Variants in ILDR1 observed in about 807,000 individuals in gnomAD.
ILDR1 encodes immunoglobulin-like domain-containing receptor 1.
A neutral mutation model predicts 62.4 loss-of-function variants in ILDR1; 56 were observed. That is an observed-to-expected ratio of 0.90 (90% CI 0.72 to 1.12). The LOEUF is 1.12. ILDR1 is among the 50% of genes most tolerant of loss of function. The pLI is 0.00. For missense variants in ILDR1, 736 were observed against 710.6 expected (o/e 1.04, Z -0.41); for synonymous variants, 284 against 277.8 (o/e 1.02, Z -0.22).
intron 7 of ILDR1, among the ~76,000 whole-genome samples, chr3:121,992,399 A>G (rs2071361904): frequency 6.6e-6 from 1 of 152,164 alleles, no homozygotes; most frequent in Non-Finnish European, 1.5e-5. Flanking sequence ...CGGCCTCCCA[A>G]AGTGCTGGGA....
intron 1 of ILDR1, 23 bp downstream of exon 1, chr3:122,021,997 G>A: frequency 6.2e-7 from 1 of 1,603,864 alleles, no homozygotes; most frequent in African/African-American, 1.3e-5. Context: ...GTCCAGGGTG[G>A]GTACCATTTT....
In ILDR1 at chr3:122,005,276, T is replaced by C. The variant is rs1221299381; in HGVS notation, c.347A>G (p.Asp116Gly). The C allele has an allele frequency of 6.6e-7, 1 of 1,509,240 alleles. No individual in the cohort carries two copies. Among genetic ancestry groups the C allele is most frequent in the African/African-American group, 1.4e-5 (1 of 69,850 alleles). 93.5% of individuals were successfully genotyped at this position (1,509,240 alleles called of 1,614,324 possible). A position where few individuals can be genotyped will look rare whatever the true frequency, so the allele number is the denominator to read the frequency against. Residue 116 changes from aspartate to glycine, a missense_variant, in exon 3 of 8, where the codon GAT becomes GGT. Asp to Gly is a moderately conservative substitution (Grantham distance 94). Coordinates refer to ENST00000344209, the MANE Select transcript of ILDR1 (RefSeq NM_001199799.2). ...GATGGTGATCTTGCGCTGCCGGTAA[T>C]CTACCCCCAGCACGGGCTCATTCTG... Reference protein sequence around the residue: ...RGQNEPVLGVDYRQRKITIQN... With the variant: ...RGQNEPVLGVGYRQRKITIQN...
At chr3:122,011,667 T>A in intron 1 of ILDR1, among the ~76,000 whole-genome samples, 1 of 40,196 alleles carries the variant, frequency 2.5e-5, no homozygotes, top group African/African-American at 1.2e-4. Flanking sequence ...TCTCTCTCTC[T>A]CTCTCTCTTT....
At chr3:121,989,578 C>A (rs1031645517) in intron 7 of ILDR1, among the ~76,000 whole-genome samples, 4 of 152,188 alleles carry the variant, frequency 2.6e-5, no homozygotes. Flanking sequence ...AAAGATAATT[C>A]ATTGGAAGGA....
chr3:122,031,534 T>C, the ILDR1 span, among the ~76,000 whole-genome samples: 1 of 152,156 alleles, frequency 6.6e-6, no homozygotes, highest in South Asian at 2.1e-4. Flanking sequence ...TGAAACCTAG[T>C]CCCCAAGGTG....
At chr3:122,004,232 T>A (rs2107659699) in intron 3 of ILDR1, among the ~76,000 whole-genome samples, 1 of 152,290 alleles carries the variant, frequency 6.6e-6, no homozygotes, top group African/African-American at 2.4e-5. Context: ...ACACAGCACA[T>A]AAAGCCCATT....
chr3:122,001,624 G>A (rs1209431871), intron 4 of ILDR1, 121 bp downstream of exon 4: 5 of 1,518,608 alleles, frequency 3.3e-6, no homozygotes, highest in African/African-American at 1.4e-5. Flanking sequence ...GAACTTTAGA[G>A]GTTGATAATC....
the ILDR1 span, among the ~76,000 whole-genome samples, chr3:122,029,461 C>T: frequency 4.0e-5 from 6 of 150,382 alleles, no homozygotes; most frequent in Admixed American, 6.6e-5. Context: ...GAGCCGAGAT[C>T]CAGCCACTGC....
At chr3:122,005,210 C>CCCCCCCGT in intron 3 of ILDR1, 34 bp downstream of exon 3, 4 of 1,198,858 alleles carry the variant, frequency 3.3e-6, no homozygotes, top group Non-Finnish European at 4.9e-6. Flanking sequence ...CCTCCCCCCA[C>CCCCCCCGT]CCCCAGTTCC....
chr3:122,036,623 T>C, the ILDR1 span, among the ~76,000 whole-genome samples: 1 of 151,010 alleles, frequency 6.6e-6, no homozygotes, highest in Non-Finnish European at 1.5e-5. Context: ...AGAGCATAAA[T>C]ATTTGGAAAA....
chr3:121,998,371 T>C (rs181937328), intron 5 of ILDR1, among the ~76,000 whole-genome samples: 7 of 152,348 alleles, frequency 4.6e-5, no homozygotes, highest in African/African-American at 1.7e-4. Context: ...ACCAAAGAGC[T>C]TTCTTTAATA....
the ILDR1 span, among the ~76,000 whole-genome samples, chr3:122,031,954 T>G: frequency 6.6e-6 from 1 of 152,216 alleles, no homozygotes; most frequent in Admixed American, 6.5e-5. Flanking sequence ...ATTTCCTTGA[T>G]ATCTTAACAA....
the ILDR1 span, among the ~76,000 whole-genome samples, chr3:122,039,494 G>T: frequency 6.6e-6 from 1 of 152,054 alleles, no homozygotes; most frequent in South Asian, 2.1e-4. Flanking sequence ...TATTTAAAGT[G>T]CTGTAAGAAA....
rs138277824 is a variant in ILDR1 at position 121,993,447 on chromosome 3, C to T, written c.1302G>A (p.Pro434=). 9.0e-5 allele frequency: 146 copies of T among 1,613,900 alleles called. No homozygotes were observed. Among genetic ancestry groups the T allele is most frequent in the Middle Eastern group, 1.6e-4 (1 of 6,084 alleles). The part of the protein sequence containing the change: ...VPSSSEARWR[P]SHPPFRSRCQ... Reference sequence around the variant, plus strand: ...AGCGGCTCCTGAAAGGAGGGTGGCTCGGCCGCCAGCGTGCCTCACTGGATG... The same window carrying T: ...AGCGGCTCCTGAAAGGAGGGTGGCTTGGCCGCCAGCGTGCCTCACTGGATG... Residue 434 remains proline, a synonymous_variant, in exon 7 of 8, where the codon CCG becomes CCA. Coordinates refer to ENST00000344209, the MANE Select transcript of ILDR1 (RefSeq NM_001199799.2).
At chr3:121,990,756 C>A (rs2071330726) in intron 7 of ILDR1, among the ~76,000 whole-genome samples, 1 of 152,154 alleles carries the variant, frequency 6.6e-6, no homozygotes, top group Non-Finnish European at 1.5e-5. Context: ...GACTATACTT[C>A]TCTCTAAGGA....
the ILDR1 span, among the ~76,000 whole-genome samples, chr3:122,037,778 T>A: frequency 2.0e-5 from 3 of 152,196 alleles, no homozygotes; most frequent in Admixed American, 6.5e-5. Flanking sequence ...TTTGGTTTTG[T>A]GTCCCCACCC....
intron 1 of ILDR1, among the ~76,000 whole-genome samples, chr3:122,020,603 A>G (rs2071840207): frequency 6.6e-6 from 1 of 152,178 alleles, no homozygotes; most frequent in Non-Finnish European, 1.5e-5. Flanking sequence ...TATTTTTTCT[A>G]AAAAGGTAGC....
chr3:122,029,068 G>A, the ILDR1 span, among the ~76,000 whole-genome samples: 3 of 152,160 alleles, frequency 2.0e-5, no homozygotes, highest in Non-Finnish European at 2.9e-5. Context: ...GGATTAACTA[G>A]ATTTACAACA....
chr3:122,015,410 G>T (rs536299361), intron 1 of ILDR1, among the ~76,000 whole-genome samples: 5 of 152,246 alleles, frequency 3.3e-5, no homozygotes, highest in African/African-American at 7.2e-5. Flanking sequence ...GACATGGTTT[G>T]GCTGTGTCCC....
Sources: gnomAD v4.1 joint callset for allele counts (sites outside exome capture counted in the v4.1 genomes callset) on GRCh38, gnomAD v4.1.1 for gene constraint, MANE v1.5 for transcripts, NCBI Gene and HGNC (gene_info 2026-07-23, HGNC 2026-07-21) for gene names.